LBP: variants seen among roughly 807,000 people sequenced by gnomAD.
The protein encoded by LBP is lipopolysaccharide-binding protein.
Under a neutral mutation model 56.6 loss-of-function variants are expected in LBP, and 53 were observed. That is an observed-to-expected ratio of 0.94 (90% CI 0.75 to 1.18). LBP has a LOEUF of 1.18. Ranked by LOEUF, LBP falls within the 50% of genes most tolerant of loss-of-function variation. The pLI is 0.00. For synonymous variants in LBP, 227 were observed against 247.5 expected (o/e 0.92, Z 0.78); for missense variants, 601 against 598.3 (o/e 1.00, Z -0.05).
chr20:38,374,222 G>A (rs5744221), intron 14 of LBP, among the ~76,000 whole-genome samples: 193 of 152,298 alleles, frequency 1.3e-3, no homozygotes, highest in Non-Finnish European at 2.1e-3. Flanking sequence ...TGGTGCAGGT[G>A]GCATTTGACA....
At chr20:38,375,033 G>A (rs1426129229) in intron 14 of LBP, among the ~76,000 whole-genome samples, 2 of 148,782 alleles carry the variant, frequency 1.3e-5, no homozygotes, top group African/African-American at 5.0e-5. Context: ...CTGGCCTCAA[G>A]TGATATGCTC....
At chr20:38,361,441 G>T (rs985224959) in intron 6 of LBP, among the ~76,000 whole-genome samples, 1 of 152,032 alleles carries the variant, frequency 6.6e-6, no homozygotes, top group African/African-American at 2.4e-5. Flanking sequence ...GTCTCACTCT[G>T]TGTCCCAGGC....
In LBP at chr20:38,360,885, A is replaced by G. The variant is rs534701013; in HGVS notation, c.652+118A>G. The G allele has an allele frequency of 4.3e-5, 31 of 720,332 alleles. No homozygotes were observed. In the East Asian group the frequency reaches 9.3e-4, roughly 22 times the overall value. 44.6% of individuals were successfully genotyped at this position (720,332 alleles called of 1,614,324 possible). A position where few individuals can be genotyped will look rare whatever the true frequency, so the allele number is the denominator to read the frequency against. On this transcript the variant is annotated intron_variant, in intron 6 of 14. Transcript: ENST00000217407. ...ATATAGAAAGTAAAAATTAAGGGCCAGGCGCAGCGGCTCACACCTGTAATC... is the reference window on the plus strand; with the variant it reads ...ATATAGAAAGTAAAAATTAAGGGCCGGGCGCAGCGGCTCACACCTGTAATC...
chr20:38,374,109 G>A, intron 14 of LBP, 96 bp downstream of exon 14: 1 of 1,286,832 alleles, frequency 7.8e-7, no homozygotes. Context: ...ACCCAGCCCA[G>A]CCCTGCAGCT....
intron 6 of LBP, among the ~76,000 whole-genome samples, chr20:38,361,495 C>T (rs2076860102): frequency 1.3e-5 from 2 of 150,808 alleles, no homozygotes; most frequent in African/African-American, 4.9e-5. Context: ...GCCTCAAACT[C>T]TTGAGCTCAA....
intron 9 of LBP, 107 bp downstream of exon 9, chr20:38,366,935 C>G: frequency 1.0e-6 from 1 of 993,966 alleles, no homozygotes; most frequent in East Asian, 2.4e-5. Context: ...GTGAGAAGGC[C>G]GGGATGAGAC....
At position 38,346,494 on chromosome 20, in the gene LBP, G is replaced by T. The variant is rs373886226; in HGVS notation, c.-23G>T. 6.2e-7 allele frequency: 1 copy of T among 1,612,596 alleles called. No homozygotes were observed. The highest frequency in any genetic ancestry group is 1.3e-5 in the African/African-American group (1 of 74,872). On this transcript the variant is annotated 5_prime_UTR_variant, in exon 1 of 15. Transcript: ENST00000217407. ...CCAATCCACAGCTGGGACAGTCCTG[G>T]CCCACTGCACTGGGAATCTAGGATG...
rs746365212 is a variant in LBP at position 38,346,482 on chromosome 20, G to A, written c.-35G>A. 1.9e-6 allele frequency: 3 copies of A among 1,611,350 alleles called. No homozygotes were observed. Among genetic ancestry groups the A allele is most frequent in the Non-Finnish European group, 2.5e-6 (3 of 1,179,118 alleles). ...AGGGACCTGGGCCCAATCCACAGCT[G>A]GGACAGTCCTGGCCCACTGCACTGG... On this transcript the variant is annotated 5_prime_UTR_variant, in exon 1 of 15. Transcript: ENST00000217407.
chr20:38,355,859 C>G (rs2122602216), intron 5 of LBP, among the ~76,000 whole-genome samples: 1 of 152,104 alleles, frequency 6.6e-6, no homozygotes, highest in Middle Eastern at 3.4e-3. Context: ...GCAACACTGT[C>G]AGACTGGCCT....
rs149622127 is a variant in LBP, at chr20:38,350,926, C to T, written c.355C>T (p.Arg119Cys). The stretch of plus-strand genomic sequence containing the variant: ...CCGGGTCCAGGGCAGGTGGAAGGTG[C>T]GCAAGTCATTCTTGTAAGTTGGCTC... ...SIRVQGRWKV[R>C]KSFFKLQGSF... The change falls in exon 3 of 15, where the codon CGC becomes TGC. Residue 119 changes from arginine (R) to cysteine (C), a missense_variant. Transcript: ENST00000217407. 77 of 1,613,548 alleles carry T rather than the reference C, an allele frequency of 4.8e-5. No homozygotes were observed. The East Asian group carries it at 6.7e-4, about 14-fold the overall frequency.
intron 3 of LBP, among the ~76,000 whole-genome samples, chr20:38,354,037 A>G (rs1353926647): frequency 1.3e-5 from 2 of 152,082 alleles, no homozygotes; most frequent in Non-Finnish European, 2.9e-5. Flanking sequence ...TATGCCGACA[A>G]GTTTATCAAG....
chr20:38,360,267 A>T (rs1292729729), intron 5 of LBP, among the ~76,000 whole-genome samples: 1 of 152,058 alleles, frequency 6.6e-6, no homozygotes, highest in South Asian at 2.1e-4. Flanking sequence ...CTCAAAAAAA[A>T]AAAAAAACAA....
chr20:38,355,535 G>A lies in LBP; in HGVS notation c.588+126G>A, dbSNP rs540855102. 2.9e-4 allele frequency: 237 copies of A among 822,456 alleles called. 2 individuals are homozygous for A. In the South Asian group the frequency reaches 3.5e-3, roughly 12 times the overall value. 50.9% of individuals were successfully genotyped at this position (822,456 alleles called of 1,614,324 possible). A position where few individuals can be genotyped will look rare whatever the true frequency, so the allele number is the denominator to read the frequency against. On this transcript the variant is annotated intron_variant, in intron 5 of 14. Transcript: ENST00000217407. ...AGACGTACTTGGGCCCAAAGCCCAG[G>A]GAGGACAAATCATTTGCCCAGGTCA...
At chr20:38,354,138 A>C in intron 3 of LBP, 146 bp from the exon 4 acceptor site, 1 of 619,258 alleles carries the variant, frequency 1.6e-6, no homozygotes, top group South Asian at 3.0e-5. Context: ...GCTTTCTTCT[A>C]GATCTTTTAT....
chr20:38,357,382 G>A (rs976907841), intron 5 of LBP, among the ~76,000 whole-genome samples: 4 of 152,184 alleles, frequency 2.6e-5, no homozygotes, highest in African/African-American at 4.8e-5. Flanking sequence ...AGAGATCTTC[G>A]AATTATCTTC....
intron 7 of LBP, 103 bp downstream of exon 7, chr20:38,364,169 C>A (rs1393041286): frequency 1.6e-5 from 12 of 769,780 alleles, no homozygotes; most frequent in Non-Finnish European, 2.7e-5. Context: ...CTCATCCTCC[C>A]AGTGGTTCCC....
intron 5 of LBP, among the ~76,000 whole-genome samples, chr20:38,359,214 T>TTTTTTTGG (rs1207875548): frequency 6.6e-6 from 1 of 152,156 alleles, no homozygotes; most frequent in Non-Finnish European, 1.5e-5. Flanking sequence ...TTGTTTTTCG[T>TTTTTTTGG]TTTTTTGGTT....
At chr20:38,349,406 G>C (rs1028071527) in intron 1 of LBP, 142 bp from the exon 2 acceptor site, 1 of 666,368 alleles carries the variant, frequency 1.5e-6, no homozygotes, top group African/African-American at 1.8e-5. Flanking sequence ...GGCACACAGA[G>C]GGGCTCATAT....
At chr20:38,348,594 G>A (rs755579500) in intron 1 of LBP, among the ~76,000 whole-genome samples, 5 of 150,352 alleles carry the variant, frequency 3.3e-5, no homozygotes, top group East Asian at 2.0e-4. Flanking sequence ...CACTGCGCCC[G>A]ACCCCTTTCC....
Sources: allele counts gnomAD v4.1 joint callset (sites outside exome capture counted in the v4.1 genomes callset), GRCh38; gene constraint gnomAD v4.1.1; transcripts MANE v1.5; gene names NCBI Gene and HGNC (gene_info 2026-07-23, HGNC 2026-07-21).